Variants in CNTN5 observed in about 807,000 individuals in gnomAD.
CNTN5 encodes contactin 5, also known as contactin-5.
CNTN5 carries 77 observed loss-of-function variants against 129.1 expected under a neutral mutation model. The observed-to-expected ratio is 0.60, with a 90% CI of 0.50 to 0.72. The LOEUF is 0.72. CNTN5 is among the 30% of genes least tolerant of loss of function. The pLI, the probability that CNTN5 is intolerant of heterozygous loss-of-function variation, is 0.00. For missense variants in CNTN5, 1,478 were observed against 1,328.8 expected (o/e 1.11, Z -1.75); for synonymous variants, 509 against 465.6 (o/e 1.09, Z -1.20).
At chr11:99,556,329 T>C in intron 3 of CNTN5, 60 bp downstream of exon 3, 1 of 1,015,564 alleles carries the variant, frequency 9.8e-7, no homozygotes, top group Non-Finnish European at 1.5e-6. Flanking sequence ...CCAAAATATA[T>C]CAAGGTCTCC....
intron 3 of CNTN5, among the ~76,000 whole-genome samples, chr11:99,655,360 A>G (rs1952316117): frequency 1.3e-5 from 2 of 152,268 alleles, no homozygotes; most frequent in South Asian, 4.1e-4. Flanking sequence ...CTAAGTTATG[A>G]TTATATTTCT....
At chr11:100,230,924 C>T (rs796716920) in intron 16 of CNTN5, among the ~76,000 whole-genome samples, 1 of 152,200 alleles carries the variant, frequency 6.6e-6, no homozygotes, top group East Asian at 1.9e-4. Flanking sequence ...TTTTGTCCCA[C>T]AGACTTAACC....
intron 3 of CNTN5, among the ~76,000 whole-genome samples, chr11:99,654,403 G>A (rs1272807692): frequency 2.6e-5 from 4 of 152,004 alleles, no homozygotes; most frequent in African/African-American, 9.7e-5. Flanking sequence ...TAGCGTGGAT[G>A]GGATTAGGCA....
intron 8 of CNTN5, among the ~76,000 whole-genome samples, chr11:99,985,394 G>A (rs1938612232): frequency 1.3e-5 from 2 of 152,104 alleles, no homozygotes; most frequent in Non-Finnish European, 2.9e-5. Context: ...AGTTGTCTCT[G>A]CTCTGAAGTC....
At chr11:99,429,573 C>T (rs1421317807) in intron 2 of CNTN5, among the ~76,000 whole-genome samples, 1 of 151,710 alleles carries the variant, frequency 6.6e-6, no homozygotes, top group East Asian at 1.9e-4. Context: ...GGATACCATG[C>T]CAAACATTAA....
chr11:99,167,829 A>G (rs953692358), intron 1 of CNTN5, among the ~76,000 whole-genome samples: 1 of 152,212 alleles, frequency 6.6e-6, no homozygotes, highest in African/African-American at 2.4e-5. Flanking sequence ...TGATATAACT[A>G]TAATGAGATG....
intron 1 of CNTN5, among the ~76,000 whole-genome samples, chr11:99,034,433 GC>G (rs1591078138): frequency 6.6e-6 from 1 of 151,562 alleles, no homozygotes; most frequent in African/African-American, 2.4e-5. Context: ...ATTGATTATT[GC>G]CACAATTTCA....
At chr11:99,508,057 A>G (rs1484693485) in intron 2 of CNTN5, among the ~76,000 whole-genome samples, 1 of 152,244 alleles carries the variant, frequency 6.6e-6, no homozygotes, top group Non-Finnish European at 1.5e-5. Flanking sequence ...TTCATATTCA[A>G]AATATACTCT....
At chr11:100,326,399 A>G (rs1319689531) in intron 21 of CNTN5, among the ~76,000 whole-genome samples, 4 of 152,210 alleles carry the variant, frequency 2.6e-5, no homozygotes, top group Admixed American at 2.0e-4. Flanking sequence ...GTTTCAAGAA[A>G]TATTAAAATC....
At chr11:99,034,443 C>G (rs1863592003) in intron 1 of CNTN5, among the ~76,000 whole-genome samples, 1 of 151,686 alleles carries the variant, frequency 6.6e-6, no homozygotes, top group African/African-American at 2.4e-5. Context: ...GCCACAATTT[C>G]AGACCCTGTT....
rs181570964 is a variant in CNTN5 at position 99,089,035 on chromosome 11, A to T, written c.-210+67765A>T. Among the ~76,000 whole-genome samples, 28 of 152,142 alleles carry T rather than the reference A, an allele frequency of 1.8e-4. No homozygotes were observed. The East Asian group carries it at 5.0e-3, about 27-fold the overall frequency. On this transcript the variant is annotated intron_variant, in intron 1 of 24. Coordinates refer to ENST00000524871, the MANE Select transcript of CNTN5 (RefSeq NM_014361.4). ...TGAGAGAATAATTAGTTAATAACCGATTAAAAAAATTGAATTGGACATTAG... is the reference window on the plus strand; with the variant it reads ...TGAGAGAATAATTAGTTAATAACCGTTTAAAAAAATTGAATTGGACATTAG...
intron 1 of CNTN5, among the ~76,000 whole-genome samples, chr11:99,229,902 T>C (rs1860899802): frequency 6.6e-6 from 1 of 152,044 alleles, no homozygotes; most frequent in African/African-American, 2.4e-5. Flanking sequence ...AGTATGCATA[T>C]AAATATAATG....
chr11:99,968,019 A>C (rs1391145442), intron 8 of CNTN5, among the ~76,000 whole-genome samples: 1 of 152,234 alleles, frequency 6.6e-6, no homozygotes, highest in Non-Finnish European at 1.5e-5. Context: ...TTGCTATATT[A>C]ATATCCTGTA....
rs894809242 is a variant in CNTN5 at position 100,066,851 on chromosome 11, G to A, written c.1163-3573G>A. Among the ~76,000 whole-genome samples, 69 of 123,218 alleles carry A rather than the reference G, an allele frequency of 5.6e-4. 1 individual carries two copies. The highest frequency in any genetic ancestry group is 8.1e-3 in the Middle Eastern group (2 of 248). The allele number at this position is 123,218 out of a possible 152,430, so 80.8% of individuals were successfully genotyped here. A position where few individuals can be genotyped will look rare whatever the true frequency, so the allele number is the denominator to read the frequency against. On this transcript the variant is annotated intron_variant, in intron 10 of 24. Coordinates refer to ENST00000524871, the MANE Select transcript of CNTN5 (RefSeq NM_014361.4). ...CCTCTGCCAAAAAAAAAAAAAAAAA[G>A]TTTAAATGTAACCTTTTATGTTTCT...
At chr11:99,950,154 T>A (rs1950638407) in intron 7 of CNTN5, among the ~76,000 whole-genome samples, 1 of 152,216 alleles carries the variant, frequency 6.6e-6, no homozygotes, top group East Asian at 1.9e-4. Context: ...AAGTATTCTC[T>A]TTTGCATTCT....
chr11:99,160,708 T>C (rs1346547840), intron 1 of CNTN5, among the ~76,000 whole-genome samples: 2 of 152,142 alleles, frequency 1.3e-5, no homozygotes, highest in African/African-American at 2.4e-5. Flanking sequence ...CACATATTTA[T>C]GGAACACTTA....
chr11:99,375,698 C>A (rs1293430722), intron 2 of CNTN5, among the ~76,000 whole-genome samples: 1 of 152,084 alleles, frequency 6.6e-6, no homozygotes, highest in Non-Finnish European at 1.5e-5. Context: ...GTCTGAGAAA[C>A]CCTGTTTTCT....
At chr11:99,114,596 TG>T (rs888644345) in intron 1 of CNTN5, among the ~76,000 whole-genome samples, 4 of 152,116 alleles carry the variant, frequency 2.6e-5, no homozygotes, top group African/African-American at 7.2e-5. Context: ...AAACATTTAA[TG>T]AAAAAAATAC....
At chr11:100,170,399 T>C (rs1378263072) in intron 13 of CNTN5, among the ~76,000 whole-genome samples, 2 of 152,066 alleles carry the variant, frequency 1.3e-5, no homozygotes, top group Admixed American at 1.3e-4. Flanking sequence ...TGATTTTAGA[T>C]TGGGTTATCC....
Sources: gnomAD v4.1 joint callset for allele counts (sites outside exome capture counted in the v4.1 genomes callset) on GRCh38, gnomAD v4.1.1 for gene constraint, MANE v1.5 for transcripts, NCBI Gene and HGNC (gene_info 2026-07-23, HGNC 2026-07-21) for gene names.